SYT8: variants seen among roughly 807,000 people sequenced by gnomAD.
SYT8 encodes the protein synaptotagmin 8.
Under a neutral mutation model 34.9 loss-of-function variants are expected in SYT8, and 50 were observed. The observed-to-expected ratio is 1.43, with a 90% CI of 1.14 to 1.81. The LOEUF (loss-of-function observed/expected upper bound fraction) is 1.81. Among genes scored for constraint, SYT8 ranks in the 40% most tolerant of loss-of-function variants. The pLI, the probability that SYT8 is intolerant of heterozygous loss-of-function variation, is 0.00. For missense variants in SYT8, 595 were observed against 529.0 expected (o/e 1.12, Z -1.22); for synonymous variants, 255 against 234.2 (o/e 1.09, Z -0.81).
upstream of SYT8, among the ~76,000 whole-genome samples, chr11:1,833,036 C>G (rs963314283): frequency 2.6e-5 from 4 of 152,220 alleles, no homozygotes; most frequent in Non-Finnish European, 5.9e-5. Flanking sequence ...CTACTTTAAT[C>G]TCAGCATGTA....
Position 1,836,211 on chromosome 11 carries a change from C to A in SYT8, c.443C>A (p.Ala148Asp). 6.3e-7 allele frequency: 1 copy of A among 1,590,402 alleles called. No homozygotes were observed. Among genetic ancestry groups the A allele is most frequent in the South Asian group, 1.1e-5 (1 of 87,734 alleles). Reference protein sequence around the residue: ...PYARVSVSTQAGHRHETKVHR... With the variant: ...PYARVSVSTQDGHRHETKVHR... The stretch of plus-strand genomic sequence containing the variant: ...GCCCGGGTCAGCGTCTCCACCCAGG[C>A]CGGACACAGACATGAGACAAAAGTG... Residue 148 changes from alanine (A) to aspartate (D), a missense_variant, in exon 4 of 8, where the codon GCC becomes GAC. Transcript: ENST00000341958.
Position 1,836,803 on chromosome 11 carries a change from C to A in SYT8, c.732C>A (p.Ser244Arg). The A allele has an allele frequency of 6.2e-7, 1 of 1,611,208 alleles. No homozygotes were observed. Among genetic ancestry groups the A allele is most frequent in the Non-Finnish European group, 8.5e-7 (1 of 1,179,992 alleles). The part of the protein sequence containing the change: ...ELCFSLRYVP[S>R]SGRLTVVVLE... ...GCTTCTCTCTCCGGTACGTGCCCAG[C>A]TCAGGCCGGCTGACCGTGGTGGTGC... Residue 244 changes from serine to arginine, a missense_variant, in exon 6 of 8, where the codon AGC (serine) becomes AGA (arginine). By Grantham distance (110) the Ser-to-Arg change is moderately radical. Coordinates refer to ENST00000341958, the MANE Select transcript of SYT8 (RefSeq NM_001394072.1).
upstream of SYT8, chr11:1,831,864 G>A (rs1440012683): frequency 2.3e-6 from 1 of 436,292 alleles, no homozygotes; most frequent in Admixed American, 2.4e-5. Flanking sequence ...AAGGCCTGGT[G>A]GCTGGCCGGC....
intron 7 of SYT8, 46 bp downstream of exon 7, chr11:1,837,136 C>A: frequency 6.2e-7 from 1 of 1,604,706 alleles, no homozygotes; most frequent in Non-Finnish European, 8.5e-7. Context: ...AGTGCCAGAC[C>A]ACGATGACTG....
In SYT8 at chr11:1,837,060, C is replaced by A. The variant is rs202187169; in HGVS notation, c.894C>A (p.Phe298Leu). The change falls in exon 7 of 8, where the codon TTC (phenylalanine) becomes TTA (leucine). Residue 298 changes from phenylalanine (F) to leucine (L), a missense_variant. Phe to Leu is a conservative substitution (Grantham distance 22). Coordinates refer to ENST00000341958, the MANE Select transcript of SYT8 (RefSeq NM_001394072.1). ...GTAAPYFNEAFTFLVPFSQVQ... is the reference protein window; with the variant it reads ...GTAAPYFNEALTFLVPFSQVQ... ...CGGCCCCCTACTTCAATGAGGCCTTCACCTTCCTGGTGCCCTTCAGCCAGG... is the reference window on the plus strand; with the variant it reads ...CGGCCCCCTACTTCAATGAGGCCTTAACCTTCCTGGTGCCCTTCAGCCAGG... 1 of 1,613,804 alleles carries A rather than the reference C, an allele frequency of 6.2e-7. No individual in the cohort carries two copies. The highest frequency in any genetic ancestry group is 1.7e-5 in the Admixed American group (1 of 60,026).
upstream of SYT8, among the ~76,000 whole-genome samples, chr11:1,832,857 C>T (rs7942044): frequency 6.6e-6 from 1 of 151,818 alleles, no homozygotes; most frequent in Non-Finnish European, 1.5e-5. Flanking sequence ...GGGAGCTCTC[C>T]CCGCCCGGCC....
chr11:1,836,071 G>T, intron 3 of SYT8, 55 bp from the exon 4 acceptor site: 2 of 1,555,402 alleles, frequency 1.3e-6, no homozygotes, highest in Non-Finnish European at 1.7e-6. Context: ...GCCCTGGGTG[G>T]TGGGGAGCTG....
Position 1,835,194 on chromosome 11 carries a change from C to T in SYT8, c.89C>T (p.Thr30Ile), listed in dbSNP as rs753489518. The T allele has an allele frequency of 6.2e-7, 1 of 1,613,162 alleles. No homozygotes were observed. The highest frequency in any genetic ancestry group is 1.1e-5 in the South Asian group (1 of 91,054). Reference sequence around the variant, plus strand: ...CTTATTCCAGACCTTGTCGCCGGGACCCCCTGTGAGTTGTGGGATTCCCAA... The same window carrying T: ...CTTATTCCAGACCTTGTCGCCGGGATCCCCTGTGAGTTGTGGGATTCCCAA... ...PGLIPDLVAG[T>I]PWPRWALIAG... Residue 30 changes from threonine (T) to isoleucine (I), a missense_variant, in exon 1 of 8, where the codon ACC becomes ATC. By Grantham distance (89) the Thr-to-Ile change is moderately conservative. Transcript: ENST00000341958.
intron 3 of SYT8, 52 bp downstream of exon 3, chr11:1,836,036 G>T (rs778392564): frequency 3.8e-6 from 6 of 1,588,490 alleles, no homozygotes; most frequent in Non-Finnish European, 5.1e-6. Context: ...TCCGGAAAGG[G>T]TGACGGGGGA....
At chr11:1,834,619 T>A, upstream of SYT8, 1 of 1,583,490 alleles carries the variant, frequency 6.3e-7, no homozygotes, top group Non-Finnish European at 8.6e-7. This position sits in a 1 kb window ranked among gnomAD's most constrained non-coding sequence, Gnocchi z 4.5. Context: ...CCAGCTGTGG[T>A]GCGTGCTGGG....
intron 7 of SYT8, 29 bp from the exon 8 acceptor site, chr11:1,837,163 A>G (rs896040735): frequency 6.3e-7 from 1 of 1,588,940 alleles, no homozygotes; most frequent in Non-Finnish European, 8.6e-7. Context: ...TTCTCCCCCA[A>G]CTCCAACCTC....
Position 1,836,435 on chromosome 11 carries a change from C to T in SYT8, c.527C>T (p.Ala176Val), listed in dbSNP as rs530805664. ...DETCCFHIPQ[A>V]ELPGATLQVQ... ...ACGCCGCTGCCTCAGATCCCGCAGG[C>T]GGAGCTGCCAGGGGCCACCCTGCAG... The change falls in exon 5 of 8, where the codon GCG becomes GTG. Residue 176 changes from alanine to valine, a missense_variant. Transcript: ENST00000341958. The T allele has an allele frequency of 1.0e-4, 164 of 1,568,096 alleles. 1 individual carries two copies. Among genetic ancestry groups the T allele is most frequent in the South Asian group, 9.1e-4 (78 of 85,674 alleles).
At chr11:1,832,829 C>G (rs1432430642), upstream of SYT8, among the ~76,000 whole-genome samples, 3 of 152,124 alleles carry the variant, frequency 2.0e-5, no homozygotes, top group East Asian at 3.9e-4. Context: ...GCTGGCCGGC[C>G]GCGGCAAATC....
chr11:1,836,606 C>A lies in SYT8; in HGVS notation c.684+14C>A. The A allele has an allele frequency of 6.2e-7, 1 of 1,608,696 alleles. No individual in the cohort carries two copies. The highest frequency in any genetic ancestry group is 1.1e-5 in the South Asian group (1 of 90,674). On this transcript the variant is annotated intron_variant, in intron 5 of 7. Coordinates refer to ENST00000341958, the MANE Select transcript of SYT8 (RefSeq NM_001394072.1). ...GCTGCCACTCAGGTGAGGTGCTGGT[C>A]ACCAGGCCACAGCCCAAGGCAGAGC... is the stretch of plus-strand genomic sequence containing the variant.
rs752051635 is a variant in SYT8 at position 1,836,151 on chromosome 11, C to A, written c.383C>A (p.Ala128Asp). The part of the protein sequence containing the change: ...QEIRVGLRQA[A>D]DLRPGGTVDP... ...ATCAGGGTGGGCCTGAGGCAGGCAG[C>A]CGACCTGAGGCCTGGGGGCACCGTG... The change falls in exon 4 of 8, where the codon GCC (alanine) becomes GAC (aspartate). Residue 128 changes from alanine (A) to aspartate (D), a missense_variant. Physicochemically the swap from Ala to Asp is moderately radical, Grantham distance 126 (BLOSUM62 -2). Transcript: ENST00000341958. 1.2e-5 allele frequency: 18 copies of A among 1,505,528 alleles called. No individual in the cohort carries two copies. The South Asian group carries it at 2.1e-4, about 18-fold the overall frequency. 93.3% of individuals were successfully genotyped at this position (1,505,528 alleles called of 1,614,324 possible). A position where few individuals can be genotyped will look rare whatever the true frequency, so the allele number is the denominator to read the frequency against.
At position 1,836,111 on chromosome 11, in the gene SYT8, C is replaced by T. The variant is rs780104838; in HGVS notation, c.358-15C>T. 1.3e-6 allele frequency: 2 copies of T among 1,505,710 alleles called. No homozygotes were observed. Among genetic ancestry groups the T allele is most frequent in the Non-Finnish European group, 1.8e-6 (2 of 1,127,356 alleles). 93.3% of individuals were successfully genotyped at this position (1,505,710 alleles called of 1,614,324 possible). A position where few individuals can be genotyped will look rare whatever the true frequency, so the allele number is the denominator to read the frequency against. On this transcript the variant is annotated splice_polypyrimidine_tract_variant and intron_variant, in intron 3 of 7. Coordinates refer to ENST00000341958, the MANE Select transcript of SYT8 (RefSeq NM_001394072.1). ...GGCAGGGGCCCTTGGCTGAGCCCAC[C>T]CCGCTGGCTCCCAGATCAGGGTGGG...
chr11:1,834,689 C>A, upstream of SYT8: 2 of 1,416,694 alleles, frequency 1.4e-6, no homozygotes, highest in East Asian at 2.5e-5. This position sits in a 1 kb window ranked among gnomAD's most constrained non-coding sequence, Gnocchi z 4.5. Flanking sequence ...AGATGGGACC[C>A]CCAGGCAGGG....
chr11:1,835,302 G>T lies in SYT8; in HGVS notation c.101G>T (p.Arg34Leu), dbSNP rs138738540. ...AGCCTGGCCTCTACCCCAGGGCCCC[G>T]CTGGGCTCTCATTGCCGGCGCCCTT... ...PDLVAGTPWP[R>L]WALIAGALAA... Residue 34 changes from arginine (R) to leucine (L), a missense_variant, in exon 2 of 8, where the codon CGC (arginine) becomes CTC (leucine). By Grantham distance (102) the Arg-to-Leu change is moderately radical (BLOSUM62 -2). Coordinates refer to ENST00000341958, the MANE Select transcript of SYT8 (RefSeq NM_001394072.1). 6.9e-6 allele frequency: 11 copies of T among 1,599,390 alleles called. No individual in the cohort carries two copies. The highest frequency in any genetic ancestry group is 1.3e-5 in the African/African-American group (1 of 74,684).
chr11:1,835,871 C>T lies in SYT8; in HGVS notation c.259-15C>T, dbSNP rs1460317504. ...GATGTCAGCACCACCTGCCCCTTGT[C>T]CCAACTCACTCCAGGTGCAACCTGA... On this transcript the variant is annotated splice_polypyrimidine_tract_variant and intron_variant, in intron 2 of 7. Coordinates refer to ENST00000341958, the MANE Select transcript of SYT8 (RefSeq NM_001394072.1). 2 of 1,608,346 alleles carry T rather than the reference C, an allele frequency of 1.2e-6. No individual in the cohort carries two copies. The highest frequency in any genetic ancestry group is 1.1e-5 in the South Asian group (1 of 90,876).
Sources: gnomAD v4.1 joint callset for allele counts (sites outside exome capture counted in the v4.1 genomes callset) on GRCh38, gnomAD v4.1.1 for gene constraint, Gnocchi (gnomAD v3.1) non-coding constraint, MANE v1.5 for transcripts, NCBI Gene and HGNC (gene_info 2026-07-23, HGNC 2026-07-21) for gene names.